The following ATP9B variants were observed in gnomAD, a reference collection of about 807,000 sequenced individuals.
ATP9B encodes probable phospholipid-transporting ATPase IIB.
Under a neutral mutation model 146.1 loss-of-function variants are expected in ATP9B, and 110 were observed. The observed-to-expected ratio is 0.75, with a 90% CI of 0.65 to 0.88. ATP9B has a LOEUF of 0.88. Ranked by LOEUF, ATP9B falls within the 40% of genes least tolerant of loss-of-function variation. The pLI, the probability that ATP9B is intolerant of heterozygous loss-of-function variation, is 0.00. For synonymous variants in ATP9B, 604 were observed against 569.7 expected, an observed-to-expected ratio of 1.06 and a Z score of -0.86; for missense variants, 1,499 against 1,496.4, an observed-to-expected ratio of 1.00 and a Z score of -0.03.
chr18:79,207,160 A>G, intron 10 of ATP9B, 148 bp downstream of exon 10: 1 of 728,526 alleles, frequency 1.4e-6, no homozygotes, highest in East Asian at 2.8e-5. Flanking sequence ...TGGGTCTGAG[A>G]CAGTCCTGGG....
chr18:79,229,578 C>T lies in ATP9B; in HGVS notation c.1107+15540C>T, dbSNP rs569257052. 2.6e-5 allele frequency among the ~76,000 whole-genome samples: 4 copies of T among 152,326 alleles called. No individual in the cohort carries two copies. In the South Asian group the frequency reaches 6.2e-4, roughly 24 times the overall value. Reference sequence around the variant, plus strand: ...TCCATCTCACATGAGGCGTCTCCCCCGTCCTTTGGAGAGAGGCAGATGATG... The same window carrying T: ...TCCATCTCACATGAGGCGTCTCCCCTGTCCTTTGGAGAGAGGCAGATGATG... On this transcript the variant is annotated intron_variant, in intron 11 of 29. Transcript: ENST00000426216.
intron 4 of ATP9B, among the ~76,000 whole-genome samples, chr18:79,124,465 C>A (rs555056129): frequency 1.3e-5 from 2 of 152,386 alleles, no homozygotes; most frequent in South Asian, 4.1e-4. Flanking sequence ...ATGGCACATG[C>A]CGTGCCATGC....
Position 79,345,467 on chromosome 18 carries a change from G to T in ATP9B, c.2512G>T (p.Ala838Ser), listed in dbSNP as rs780880240. ...CTACGAGCATGAATTTGTGGAGCTGGCCTGCCAGTGCCCTGCCGTGGTTTG... is the reference window on the plus strand; with the variant it reads ...CTACGAGCATGAATTTGTGGAGCTGTCCTGCCAGTGCCCTGCCGTGGTTTG... ...KYYEHEFVEL[A>S]CQCPAVVCCR... The change falls in exon 22 of 30, where the codon GCC becomes TCC. Residue 838 changes from alanine to serine, a missense_variant. Coordinates refer to ENST00000426216, the MANE Select transcript of ATP9B (RefSeq NM_198531.5). 85 of 1,613,744 alleles carry T rather than the reference G, an allele frequency of 5.3e-5. No individual in the cohort carries two copies. Among genetic ancestry groups the T allele is most frequent in the Non-Finnish European group, 6.9e-5 (82 of 1,180,050 alleles).
intron 2 of ATP9B, among the ~76,000 whole-genome samples, chr18:79,099,361 A>G (rs1446909386): frequency 6.6e-6 from 1 of 152,092 alleles, no homozygotes; most frequent in Non-Finnish European, 1.5e-5. Context: ...AGCTGGGACT[A>G]CAGATGTGCA....
At position 79,330,095 on chromosome 18, in the gene ATP9B, G is replaced by T. The variant is rs2096782030; in HGVS notation, c.2019G>T (p.Leu673=). ...CTATCGTGCAGTATAATGACTGGCT[G>T]GAAGAGGAGGTATGTGAGTGACTCT... ...MSPIVQYNDW[L]EEECGNMARE... Residue 673 remains leucine, a synonymous_variant, in exon 17 of 30, where the codon CTG becomes CTT. Transcript: ENST00000426216. 6.2e-7 allele frequency: 1 copy of T among 1,613,880 alleles called. No individual in the cohort carries two copies. Among genetic ancestry groups the T allele is most frequent in the Non-Finnish European group, 8.5e-7 (1 of 1,179,786 alleles).
intron 13 of ATP9B, among the ~76,000 whole-genome samples, chr18:79,289,941 G>A (rs1266854678): frequency 1.3e-5 from 2 of 152,158 alleles, no homozygotes; most frequent in African/African-American, 4.8e-5. Context: ...TTCGTGAATC[G>A]CGAATGCTGC....
intron 15 of ATP9B, among the ~76,000 whole-genome samples, chr18:79,313,505 A>G (rs8088583): frequency 0.93 from 142,423 of 152,330 alleles, 66,679 homozygotes; most frequent in East Asian, 1. Flanking sequence ...CCTGCCATAA[A>G]TATGAGAAAC....
chr18:79,279,500 A>G (rs1208447865), intron 13 of ATP9B, among the ~76,000 whole-genome samples: 1 of 152,248 alleles, frequency 6.6e-6, no homozygotes, highest in East Asian at 1.9e-4. Flanking sequence ...TTCATAGAAA[A>G]AGCAAAAGAA....
intron 4 of ATP9B, among the ~76,000 whole-genome samples, chr18:79,120,100 A>G (rs2094162813): frequency 6.6e-6 from 1 of 152,216 alleles, no homozygotes; most frequent in Admixed American, 6.5e-5. Flanking sequence ...AATTCCTCAT[A>G]AGCCCTTGAG....
Position 79,193,224 on chromosome 18 carries a change from A to G in ATP9B, c.915A>G (p.Pro305=). Residue 305 remains proline (P), a synonymous_variant, in exon 9 of 30, where the codon CCA becomes CCG. Transcript: ENST00000426216. ...SISAYVYAQK[P]QMDIHSFEGT... ...GTGCTTATGTTTATGCTCAGAAACC[A>G]CAAATGGACATTCACAGTTTCGAAG... 2 of 1,612,306 alleles carry G rather than the reference A, an allele frequency of 1.2e-6. No individual in the cohort carries two copies. Among genetic ancestry groups the G allele is most frequent in the East Asian group, 2.2e-5 (1 of 44,814 alleles).
chr18:79,200,249 G>A (rs1047364451), intron 9 of ATP9B, among the ~76,000 whole-genome samples: 2 of 152,132 alleles, frequency 1.3e-5, no homozygotes, highest in Admixed American at 1.3e-4. Context: ...GGGCTACTGT[G>A]GTTTGTGCCA....
chr18:79,150,793 G>A (rs1195662582), intron 6 of ATP9B, among the ~76,000 whole-genome samples: 1 of 152,068 alleles, frequency 6.6e-6, no homozygotes, highest in Admixed American at 6.6e-5. Flanking sequence ...AATTTGAGAC[G>A]AGCCTGGACA....
Position 79,373,937 on chromosome 18 carries a change from C to CT in ATP9B, c.3111dup (p.Glu1038Ter), listed in dbSNP as rs2097088322. The CT allele has an allele frequency of 6.2e-7, 1 of 1,613,466 alleles. No individual in the cohort carries two copies. Among genetic ancestry groups the CT allele is most frequent in the African/African-American group, 1.3e-5 (1 of 74,904 alleles). ...TATGGGGCCCTGGTGCTCTTCGAGTCTGAGTTCGTCCACGTGGTGGCCATC... is the reference window on the plus strand; with the variant it reads ...TATGGGGCCCTGGTGCTCTTCGAGTCTTGAGTTCGTCCACGTGGTGGCCATC... On this transcript the variant is annotated frameshift_variant, in exon 28 of 30. Coordinates refer to ENST00000426216, the MANE Select transcript of ATP9B (RefSeq NM_198531.5). LOFTEE classifies it high-confidence loss of function.
chr18:79,184,020 C>T (rs1054512176), intron 8 of ATP9B, among the ~76,000 whole-genome samples: 11 of 152,066 alleles, frequency 7.2e-5, no homozygotes, highest in South Asian at 2.1e-4. Context: ...ATAATATCTT[C>T]GCTATGTAAA....
Position 79,374,094 on chromosome 18 carries a change from A to G in ATP9B, c.3267A>G (p.Glu1089=), listed in dbSNP as rs773407508. 5 of 1,614,044 alleles carry G rather than the reference A, an allele frequency of 3.1e-6. No homozygotes were observed. The highest frequency in any genetic ancestry group is 3.4e-6 in the Non-Finnish European group (4 of 1,179,986). ...TGTCCTCACTCGCTTTTCTCAATGA[A>G]TATTTTGGTAAGTTGCCTTGGAATT... The part of the protein sequence containing the change: ...CYVSSLAFLN[E]YFGIGRVSFG... Residue 1089 remains glutamate, a synonymous_variant, in exon 28 of 30, where the codon GAA becomes GAG. Coordinates refer to ENST00000426216, the MANE Select transcript of ATP9B (RefSeq NM_198531.5).
chr18:79,308,066 G>A (rs1385711967), intron 15 of ATP9B, among the ~76,000 whole-genome samples: 5 of 152,210 alleles, frequency 3.3e-5, no homozygotes, highest in East Asian at 3.9e-4. Flanking sequence ...TCTGGTTGAC[G>A]AGTTTATTAC....
At chr18:79,296,133 A>T (rs899544038) in intron 13 of ATP9B, among the ~76,000 whole-genome samples, 1 of 152,112 alleles carries the variant, frequency 6.6e-6, no homozygotes, top group Non-Finnish European at 1.5e-5. Flanking sequence ...TTCCTGCCTC[A>T]GCCTCCCTAG....
intron 9 of ATP9B, among the ~76,000 whole-genome samples, chr18:79,204,780 C>T (rs1294858081): frequency 2.0e-5 from 3 of 152,226 alleles, no homozygotes; most frequent in Non-Finnish European, 1.5e-5. Flanking sequence ...TCCTTAAGAC[C>T]ATTGACATCA....
chr18:79,081,325 A>C (rs143344684), intron 1 of ATP9B, among the ~76,000 whole-genome samples: 1 of 152,064 alleles, frequency 6.6e-6, no homozygotes, highest in Non-Finnish European at 1.5e-5. Context: ...CAGGGATTCA[A>C]CTTCTTCCTG....
Sources: allele counts gnomAD v4.1 joint callset (sites outside exome capture counted in the v4.1 genomes callset), GRCh38; gene constraint gnomAD v4.1.1; transcripts MANE v1.5; gene names NCBI Gene and HGNC (gene_info 2026-07-23, HGNC 2026-07-21).